The following DTNBP1 variants were observed in gnomAD, a reference collection of about 807,000 sequenced individuals.
DTNBP1 encodes dystrobrevin binding protein 1.
In DTNBP1, 35 loss-of-function variants were observed where a neutral mutation model predicts 42.8. That is an observed-to-expected ratio of 0.82 (90% confidence interval 0.63 to 1.09). The LOEUF is 1.09. Among genes scored for constraint, DTNBP1 ranks in the 50% least tolerant of loss-of-function variants. DTNBP1 has a pLI of 0.00. For synonymous variants in DTNBP1, 171 were observed against 162.2 expected, an observed-to-expected ratio of 1.05 and a Z score of -0.41; for missense variants, 457 against 424.2, an observed-to-expected ratio of 1.08 and a Z score of -0.68.
intron 6 of DTNBP1, among the ~76,000 whole-genome samples, chr6:15,599,698 TGTC>T (rs1441514316): frequency 6.6e-6 from 1 of 152,126 alleles, no homozygotes; most frequent in Non-Finnish European, 1.5e-5. Flanking sequence ...CCTGAAGACA[TGTC>T]GTGGTTTTCA....
intron 8 of DTNBP1, among the ~76,000 whole-genome samples, chr6:15,528,695 A>G (rs866476800): frequency 1.5e-4 from 23 of 152,230 alleles, no homozygotes; most frequent in African/African-American, 5.3e-4. Context: ...AAACTGGTGC[A>G]AATGTTTTGG....
At position 15,524,617 on chromosome 6, in the gene DTNBP1, CTGCTCCAGCA is replaced by C; in HGVS notation, c.710_719del (p.Met237ArgfsTer4). The C allele has an allele frequency of 6.2e-7, 1 of 1,613,932 alleles. No homozygotes were observed. The highest frequency in any genetic ancestry group is 8.5e-7 in the Non-Finnish European group (1 of 1,179,948). ...GGTCCGATATGTCCATCAGGTCCATCTGCTCCAGCATGTCCACGTTCACTTCCATGGATGA... is the reference window on the plus strand; with the variant it reads ...GGTCCGATATGTCCATCAGGTCCATCTGTCCACGTTCACTTCCATGGATGA... On this transcript the variant is annotated frameshift_variant, in exon 9 of 10. Coordinates refer to ENST00000344537, the MANE Select transcript of DTNBP1 (RefSeq NM_032122.5). LOFTEE classifies it high-confidence loss of function.
Position 15,567,645 on chromosome 6 carries a change from A to G in DTNBP1, c.511+25414T>C, listed in dbSNP as rs146796802. 6.0e-3 allele frequency among the ~76,000 whole-genome samples: 908 copies of G among 152,300 alleles called. 4 individuals are homozygous for G. Among genetic ancestry groups the G allele is most frequent in the Non-Finnish European group, 9.6e-3 (653 of 68,026 alleles). ...TGTCCCATCTTTCTGGATCAAACCA[A>G]TGTACACCTCACATGTATTGATTGA... is the stretch of plus-strand genomic sequence containing the variant. On this transcript the variant is annotated intron_variant, in intron 7 of 9. Transcript: ENST00000344537.
chr6:15,625,417 T>C (rs1371550209), intron 5 of DTNBP1, among the ~76,000 whole-genome samples: 1 of 152,234 alleles, frequency 6.6e-6, no homozygotes, highest in Non-Finnish European at 1.5e-5. Flanking sequence ...TTGTCTTTAG[T>C]GTTAGATGTT....
chr6:15,564,534 A>G (rs1774984041), intron 7 of DTNBP1, among the ~76,000 whole-genome samples: 1 of 151,930 alleles, frequency 6.6e-6, no homozygotes, highest in East Asian at 1.9e-4. Flanking sequence ...CAGCCTCCCA[A>G]GTAGCTGGGT....
intron 6 of DTNBP1, among the ~76,000 whole-genome samples, chr6:15,599,829 A>C (rs1182852051): frequency 6.6e-6 from 1 of 152,228 alleles, no homozygotes; most frequent in Non-Finnish European, 1.5e-5. Context: ...AATTTTTATT[A>C]CAAATTTAAA....
intron 3 of DTNBP1, among the ~76,000 whole-genome samples, chr6:15,643,559 A>G (rs973202027): frequency 1.3e-5 from 2 of 152,178 alleles, no homozygotes; most frequent in Admixed American, 1.3e-4. Flanking sequence ...AATTACCCAT[A>G]GAGGAAAACC....
chr6:15,644,128 G>A (rs74563575), intron 3 of DTNBP1, among the ~76,000 whole-genome samples: 6,432 of 150,806 alleles, frequency 0.043, 209 homozygotes, highest in Non-Finnish European at 0.064. Flanking sequence ...GAGAACAGAG[G>A]TTGCTACTCT....
At chr6:15,546,286 G>A (rs952123339) in intron 7 of DTNBP1, among the ~76,000 whole-genome samples, 3 of 151,798 alleles carry the variant, frequency 2.0e-5, no homozygotes, top group Admixed American at 6.6e-5. Context: ...GGCTGGTCTC[G>A]AACTCTCTGA....
At chr6:15,624,190 A>G (rs1232917580) in intron 5 of DTNBP1, among the ~76,000 whole-genome samples, 1 of 152,206 alleles carries the variant, frequency 6.6e-6, no homozygotes, top group African/African-American at 2.4e-5. Context: ...AGGTATGCTC[A>G]TCGTCATTTT....
At position 15,587,196 on chromosome 6, in the gene DTNBP1, AATTTAAGACTCACAT is replaced by A. The variant is rs1354306742; in HGVS notation, c.511+5848_511+5862del. ...AATAAGAATGAAATATTAAGGAATA[AATTTAAGACTCACAT>A]ATTGAAAACAACAAAACTGCTTAGA... On this transcript the variant is annotated intron_variant, in intron 7 of 9. Coordinates refer to ENST00000344537, the MANE Select transcript of DTNBP1 (RefSeq NM_032122.5). This position sits in a 1 kb window ranked among gnomAD's most constrained non-coding sequence, Gnocchi z 4.1. 6.6e-6 allele frequency among the ~76,000 whole-genome samples: 1 copy of A among 152,204 alleles called. No individual in the cohort carries two copies. The highest frequency in any genetic ancestry group is 1.9e-4 in the East Asian group (1 of 5,200).
At chr6:15,525,001 A>C (rs575007308) in intron 8 of DTNBP1, among the ~76,000 whole-genome samples, 1 of 152,200 alleles carries the variant, frequency 6.6e-6, no homozygotes, top group Non-Finnish European at 1.5e-5. Context: ...TTCCTGCAGC[A>C]ACAGTTAGCG....
At chr6:15,626,416 C>A (rs1759349599) in intron 5 of DTNBP1, among the ~76,000 whole-genome samples, 1 of 152,082 alleles carries the variant, frequency 6.6e-6, no homozygotes, top group South Asian at 2.1e-4. Flanking sequence ...AATTACTTGC[C>A]TTGTAAATCA....
At chr6:15,610,531 G>C (rs1166249582) in intron 6 of DTNBP1, among the ~76,000 whole-genome samples, 3 of 152,334 alleles carry the variant, frequency 2.0e-5, no homozygotes, top group African/African-American at 7.2e-5. Flanking sequence ...ATCAAGCTTA[G>C]TGAGGAAGGC....
intron 6 of DTNBP1, among the ~76,000 whole-genome samples, chr6:15,609,412 C>T (rs897815857): frequency 5.3e-5 from 8 of 151,972 alleles, no homozygotes; most frequent in East Asian, 1.9e-4. Flanking sequence ...CTCCGCCTCC[C>T]GGGTTCAAGT....
chr6:15,531,371 C>T (rs1312317461), intron 8 of DTNBP1, among the ~76,000 whole-genome samples: 1 of 152,162 alleles, frequency 6.6e-6, no homozygotes, highest in Non-Finnish European at 1.5e-5. Flanking sequence ...TTGCAGCAAA[C>T]ACGGAAGCAC....
intron 1 of DTNBP1, among the ~76,000 whole-genome samples, chr6:15,662,411 G>A (rs1254238367): frequency 6.6e-6 from 1 of 152,232 alleles, no homozygotes; most frequent in East Asian, 1.9e-4. Context: ...AGGTGCGCAC[G>A]AGCAGGTGTC....
intron 7 of DTNBP1, among the ~76,000 whole-genome samples, chr6:15,574,073 G>A (rs906745281): frequency 2.6e-5 from 4 of 152,118 alleles, no homozygotes; most frequent in East Asian, 1.9e-4. Context: ...ATCATGTCTC[G>A]GGAGATGCTC....
chr6:15,650,240 T>C (rs953144686), intron 3 of DTNBP1, among the ~76,000 whole-genome samples: 2 of 152,198 alleles, frequency 1.3e-5, no homozygotes, highest in African/African-American at 4.8e-5. Context: ...CACAGAAATA[T>C]GTATAATGAC....
Sources: gnomAD v4.1 joint callset for allele counts (sites outside exome capture counted in the v4.1 genomes callset) on GRCh38, gnomAD v4.1.1 for gene constraint, Gnocchi (gnomAD v3.1) non-coding constraint, MANE v1.5 for transcripts, NCBI Gene and HGNC (gene_info 2026-07-23, HGNC 2026-07-21) for gene names.